The following ASCC1 variants were observed in gnomAD, a reference collection of about 807,000 sequenced individuals.
ASCC1 encodes activating signal cointegrator 1 complex subunit 1, also known as ASC-1 complex subunit P50.
A neutral mutation model predicts 46.6 loss-of-function variants in ASCC1; 35 were observed. That is an observed-to-expected ratio of 0.75 (90% CI 0.57 to 0.99). The LOEUF is 0.99. Among genes scored for constraint, ASCC1 ranks in the 50% least tolerant of loss-of-function variants. ASCC1 has a pLI of 0.00. For missense variants in ASCC1, 376 were observed against 428.7 expected (o/e 0.88, Z 1.09); for synonymous variants, 143 against 146.6 (o/e 0.98, Z 0.18).
At chr10:72,161,055 C>T (rs1007683446) in intron 6 of ASCC1, among the ~76,000 whole-genome samples, 2 of 151,916 alleles carry the variant, frequency 1.3e-5, no homozygotes, top group Non-Finnish European at 2.9e-5. Context: ...TGCACTCCAG[C>T]CTGGGCGACA....
At chr10:72,169,471 T>C (rs1260254447) in intron 5 of ASCC1, among the ~76,000 whole-genome samples, 2 of 152,262 alleles carry the variant, frequency 1.3e-5, no homozygotes, top group East Asian at 1.9e-4. Flanking sequence ...AGAGCTTCTA[T>C]ACTTGCTACC....
chr10:72,142,954 G>A (rs1260988294), intron 7 of ASCC1, among the ~76,000 whole-genome samples: 2 of 150,962 alleles, frequency 1.3e-5, no homozygotes, highest in Non-Finnish European at 2.9e-5. Context: ...CGAGTCAGGA[G>A]ATCTAGACCA....
At chr10:72,107,382 G>C (rs933864569) in intron 9 of ASCC1, among the ~76,000 whole-genome samples, 1 of 150,096 alleles carries the variant, frequency 6.7e-6, no homozygotes, top group South Asian at 2.1e-4. Flanking sequence ...AAAATTCTGA[G>C]TTTCTGCCAA....
At chr10:72,113,558 A>G (rs1002553788) in intron 9 of ASCC1, among the ~76,000 whole-genome samples, 1 of 152,226 alleles carries the variant, frequency 6.6e-6, no homozygotes, top group African/African-American at 2.4e-5. Context: ...AGTAACACAT[A>G]AGACACATTT....
At chr10:72,149,217 G>GCA (rs1360362943) in intron 7 of ASCC1, among the ~76,000 whole-genome samples, 1 of 151,682 alleles carries the variant, frequency 6.6e-6, no homozygotes, top group Non-Finnish European at 1.5e-5. Context: ...GGTGGACAGA[G>GCA]CACAAGGTCA....
intron 7 of ASCC1, among the ~76,000 whole-genome samples, chr10:72,150,521 CA>C (rs1848203771): frequency 6.6e-6 from 1 of 152,186 alleles, no homozygotes; most frequent in Non-Finnish European, 1.5e-5. Flanking sequence ...AGCTTTGATT[CA>C]ACTAATAAAT....
chr10:72,170,386 G>A (rs567410934), intron 5 of ASCC1, among the ~76,000 whole-genome samples: 1 of 152,168 alleles, frequency 6.6e-6, no homozygotes, highest in African/African-American at 2.4e-5. Flanking sequence ...GAATGCCTAA[G>A]TCTACTCATG....
In ASCC1 at chr10:72,124,398, T is replaced by C. The variant is rs548853745; in HGVS notation, c.957+3684A>G. ...TCTTTCCCAAATATATCACTGTGCC[T>C]TTATTTGTACCATATCACCTTCTCT... On this transcript the variant is annotated intron_variant, in intron 9 of 9. Coordinates refer to ENST00000672957, the MANE Select transcript of ASCC1 (RefSeq NM_001198800.3). Among the ~76,000 whole-genome samples the C allele has an allele frequency of 3.3e-5, 5 of 152,336 alleles. No individual in the cohort carries two copies. The South Asian group carries it at 1.0e-3, about 32-fold the overall frequency.
chr10:72,214,281 AAG>A (rs1408447294), intron 1 of ASCC1, among the ~76,000 whole-genome samples: 1 of 152,112 alleles, frequency 6.6e-6, no homozygotes, highest in Non-Finnish European at 1.5e-5. Context: ...ATGGCTTTGA[AAG>A]AGAGAATAAA....
intron 5 of ASCC1, among the ~76,000 whole-genome samples, chr10:72,186,422 G>A (rs914617643): frequency 3.9e-5 from 6 of 152,228 alleles, no homozygotes; most frequent in African/African-American, 1.4e-4. Flanking sequence ...TAGAGATGAG[G>A]AAACTCTCAG....
At chr10:72,161,695 A>G in intron 5 of ASCC1, 21 bp from the exon 6 acceptor site, 1 of 1,614,060 alleles carries the variant, frequency 6.2e-7, no homozygotes, top group Non-Finnish European at 8.5e-7. Flanking sequence ...AGAGAGAAAA[A>G]CAAGAAACTC....
chr10:72,125,833 A>G (rs985993109), intron 9 of ASCC1, among the ~76,000 whole-genome samples: 16 of 152,304 alleles, frequency 1.1e-4, no homozygotes, highest in African/African-American at 1.4e-4. Flanking sequence ...CTAATTGTCT[A>G]TTAACTATCT....
At chr10:72,200,900 C>A (rs887364920) in intron 4 of ASCC1, among the ~76,000 whole-genome samples, 7 of 152,056 alleles carry the variant, frequency 4.6e-5, no homozygotes, top group Non-Finnish European at 8.8e-5. Flanking sequence ...TGGGAGCCCA[C>A]ATGCAGCTAG....
chr10:72,128,252 A>T, intron 8 of ASCC1, 85 bp from the exon 9 acceptor site: 1 of 1,199,848 alleles, frequency 8.3e-7, no homozygotes, highest in Non-Finnish European at 1.2e-6. Flanking sequence ...AGGTACGACT[A>T]GCAAAATTTT....
chr10:72,215,168 C>G (rs1402262036), intron 1 of ASCC1, among the ~76,000 whole-genome samples: 1 of 152,130 alleles, frequency 6.6e-6, no homozygotes, highest in Non-Finnish European at 1.5e-5. Flanking sequence ...TTTAGGAGGC[C>G]GAGGCGGATC....
At chr10:72,197,209 T>C (rs1855568832) in intron 4 of ASCC1, among the ~76,000 whole-genome samples, 1 of 152,076 alleles carries the variant, frequency 6.6e-6, no homozygotes, top group Admixed American at 6.6e-5. Context: ...CGGTGGCTCA[T>C]TCCTGTAATC....
intron 9 of ASCC1, among the ~76,000 whole-genome samples, chr10:72,103,209 T>C (rs917041909): frequency 6.6e-6 from 1 of 151,408 alleles, no homozygotes; most frequent in African/African-American, 2.4e-5. Flanking sequence ...CTCAGCTCAC[T>C]GCAAGCTCCA....
At chr10:72,172,174 G>C (rs1192155419) in intron 5 of ASCC1, among the ~76,000 whole-genome samples, 2 of 151,922 alleles carry the variant, frequency 1.3e-5, no homozygotes, top group African/African-American at 2.4e-5. Context: ...CCAGCACTTT[G>C]GGAGGCCGAG....
chr10:72,124,720 CA>C (rs1447830804), intron 9 of ASCC1, among the ~76,000 whole-genome samples: 1 of 142,520 alleles, frequency 7.0e-6, no homozygotes, highest in African/African-American at 2.9e-5. Context: ...AAACAAACAA[CA>C]TCTTTTTTTT....
Sources: allele counts gnomAD v4.1 joint callset (sites outside exome capture counted in the v4.1 genomes callset), GRCh38; gene constraint gnomAD v4.1.1; transcripts MANE v1.5; gene names NCBI Gene and HGNC (gene_info 2026-07-23, HGNC 2026-07-21).